The following SCAF8 variants were observed in gnomAD, a reference collection of about 807,000 sequenced individuals.
The protein encoded by SCAF8 is SR-related CTD associated factor 8, also known as SR-related and CTD-associated factor 8.
SCAF8 carries 23 observed loss-of-function variants against 140.5 expected under a neutral mutation model. The observed-to-expected ratio is 0.16, with a 90% confidence interval of 0.12 to 0.23. The LOEUF (loss-of-function observed/expected upper bound fraction) is 0.23, where lower values mean the gene tolerates loss of function less well. Among genes scored for constraint, SCAF8 ranks in the 10% least tolerant of loss-of-function variants. The pLI is 1.00. For missense variants in SCAF8, 1,397 were observed against 1,555.7 expected (o/e 0.90, Z 1.72); for synonymous variants, 575 against 528.9 (o/e 1.09, Z -1.20).
chr6:154,753,085 T>C (rs1778879557), intron 1 of SCAF8, among the ~76,000 whole-genome samples: 1 of 152,068 alleles, frequency 6.6e-6, no homozygotes, highest in Admixed American at 6.6e-5. Context: ...TCCCAGCACT[T>C]TGGGAGGCCG....
chr6:154,749,580 T>G (rs1409703593), intron 1 of SCAF8, among the ~76,000 whole-genome samples: 1 of 152,170 alleles, frequency 6.6e-6, no homozygotes, highest in Non-Finnish European at 1.5e-5. Context: ...TATGTATAGT[T>G]TGTGTACACT....
At position 154,753,050 on chromosome 6, in the gene SCAF8, C is replaced by T. The variant is rs191569553; in HGVS notation, c.30+19120C>T. 5.0e-4 allele frequency among the ~76,000 whole-genome samples: 76 copies of T among 151,866 alleles called. No homozygotes were observed. In the East Asian group the frequency reaches 0.012, roughly 24 times the overall value. ...ATTTACCAGAAGGTATAAAGTGGGCCGGGCATGGTGGCTCACTCCTGTAAT... is the reference window on the plus strand; with the variant it reads ...ATTTACCAGAAGGTATAAAGTGGGCTGGGCATGGTGGCTCACTCCTGTAAT... On this transcript the variant is annotated intron_variant, in intron 1 of 19. Transcript: ENST00000367178.
rs199849204 is a variant in SCAF8 at position 154,822,343 on chromosome 6, A to G, written c.1860A>G (p.Pro620=). The G allele has an allele frequency of 5.1e-5, 83 of 1,613,876 alleles. No individual in the cohort carries two copies. In the Middle Eastern group the frequency reaches 9.9e-4, roughly 19 times the overall value. The part of the protein sequence containing the change: ...ETVQTTQSPT[P]VEKETVVTTQ... ...TCCAGACAACTCAGAGCCCAACTCC[A>G]GTTGAAAAGGAGACAGTGGTCACAA... Residue 620 remains proline, a synonymous_variant, in exon 16 of 20, where the codon CCA becomes CCG. Transcript: ENST00000367178.
chr6:154,805,938 G>A (rs1440110814), intron 9 of SCAF8, among the ~76,000 whole-genome samples: 1 of 152,134 alleles, frequency 6.6e-6, no homozygotes, highest in African/African-American at 2.4e-5. Context: ...TTTGCTGTTA[G>A]CATGTAGCAG....
intron 1 of SCAF8, 70 bp downstream of exon 1, chr6:154,734,000 G>T: frequency 6.9e-7 from 1 of 1,447,610 alleles, no homozygotes; most frequent in African/African-American, 1.5e-5. Flanking sequence ...GCCGGGGCCC[G>T]GAGGGTGGGC....
In SCAF8 at chr6:154,733,934, G is replaced by A; in HGVS notation, c.30+4G>A. On this transcript the variant is annotated splice_donor_region_variant and intron_variant, in intron 1 of 19. Transcript: ENST00000367178. ...CGTGAAGACCTTCAATAGCGAGGTTGGTATGGCAGCCGGGTTCCCCTGCTC... is the reference window on the plus strand; with the variant it reads ...CGTGAAGACCTTCAATAGCGAGGTTAGTATGGCAGCCGGGTTCCCCTGCTC... The A allele has an allele frequency of 6.5e-7, 1 of 1,531,822 alleles. No individual in the cohort carries two copies. The highest frequency in any genetic ancestry group is 8.7e-7 in the Non-Finnish European group (1 of 1,146,176). 94.9% of individuals were successfully genotyped at this position (1,531,822 alleles called of 1,614,324 possible). A position where few individuals can be genotyped will look rare whatever the true frequency, so the allele number is the denominator to read the frequency against.
At chr6:154,769,151 G>A (rs1420846387) in intron 1 of SCAF8, among the ~76,000 whole-genome samples, 1 of 151,714 alleles carries the variant, frequency 6.6e-6, no homozygotes, top group East Asian at 1.9e-4. Flanking sequence ...TATTAAGTGA[G>A]CATTTGAAAC....
chr6:154,820,878 A>AT (rs1232626336), intron 15 of SCAF8, among the ~76,000 whole-genome samples: 1 of 152,136 alleles, frequency 6.6e-6, no homozygotes, highest in African/African-American at 2.4e-5. Flanking sequence ...TGACAAAATG[A>AT]TTTGCAGTTA....
chr6:154,794,960 G>A (rs1303842047), intron 5 of SCAF8, 49 bp from the exon 6 acceptor site: 10 of 1,508,122 alleles, frequency 6.6e-6, no homozygotes, highest in Non-Finnish European at 8.9e-6. Context: ...TCTAGTCTTA[G>A]TTACTTACTT....
intron 13 of SCAF8, among the ~76,000 whole-genome samples, chr6:154,817,379 T>C (rs1778284647): frequency 6.6e-6 from 1 of 152,206 alleles, no homozygotes; most frequent in Non-Finnish European, 1.5e-5. Context: ...GCCTTATCCC[T>C]CTCCTTTATT....
At chr6:154,769,754 G>A (rs1776683059) in intron 1 of SCAF8, among the ~76,000 whole-genome samples, 2 of 152,286 alleles carry the variant, frequency 1.3e-5, no homozygotes, top group South Asian at 4.1e-4. Flanking sequence ...TACAAAGCTT[G>A]TTTGGTGTTG....
rs370733458 is a variant in SCAF8, at chr6:154,777,959, A to G, written c.115-42A>G. 9.3e-6 allele frequency: 12 copies of G among 1,284,184 alleles called. No individual in the cohort carries two copies. The African/African-American group carries it at 1.3e-4, about 14-fold the overall frequency. 79.5% of individuals were successfully genotyped at this position (1,284,184 alleles called of 1,614,324 possible). Reference sequence around the variant, plus strand: ...GTTAGCAGGAAATTTCAATCTCCTCAAACTGATTTTAAAACCATACTTCAT... The same window carrying G: ...GTTAGCAGGAAATTTCAATCTCCTCGAACTGATTTTAAAACCATACTTCAT... On this transcript the variant is annotated intron_variant, in intron 2 of 19. Coordinates refer to ENST00000367178, the MANE Select transcript of SCAF8 (RefSeq NM_014892.5).
intron 4 of SCAF8, among the ~76,000 whole-genome samples, chr6:154,789,390 T>A (rs1372534545): frequency 6.6e-6 from 1 of 151,740 alleles, no homozygotes. Context: ...GAATTACAAG[T>A]GTGAGCCACT....
rs776929764 is a variant in SCAF8, at chr6:154,795,038, A to G, written c.505A>G (p.Asn169Asp). The change falls in exon 6 of 20, where the codon AAT (asparagine) becomes GAT (aspartate). Residue 169 changes from asparagine (N) to aspartate (D), a missense_variant. By Grantham distance (23) the Asn-to-Asp change is conservative (BLOSUM62 1). This residue lies in a region of SCAF8 where 339 missense variants were observed against 407.5 expected (regional missense o/e 0.83). Coordinates refer to ENST00000367178, the MANE Select transcript of SCAF8 (RefSeq NM_014892.5). ...GTPVTPVTPA[N>D]VVQGLPDPWV... ...TCCTGTGACACCTGTTACTCCGGCCAATGTGGTCCAAGGCTTACCTGATCC... is the reference window on the plus strand; with the variant it reads ...TCCTGTGACACCTGTTACTCCGGCCGATGTGGTCCAAGGCTTACCTGATCC... The G allele has an allele frequency of 1.2e-6, 2 of 1,610,690 alleles. No individual in the cohort carries two copies. Among genetic ancestry groups the G allele is most frequent in the Non-Finnish European group, 1.7e-6 (2 of 1,178,916 alleles).
chr6:154,774,731 C>G (rs1420466856), intron 2 of SCAF8, among the ~76,000 whole-genome samples: 1 of 152,116 alleles, frequency 6.6e-6, no homozygotes, highest in Non-Finnish European at 1.5e-5. Context: ...AACCTTTGCT[C>G]TCATAAAGTA....
Position 154,733,463 on chromosome 6 carries a change from C to G in SCAF8, c.-438C>G. 1 of 1,373,998 alleles carries G rather than the reference C, an allele frequency of 7.3e-7. No homozygotes were observed. The allele number at this position is 1,373,998 out of a possible 1,614,324, so 85.1% of individuals were successfully genotyped here. On this transcript the variant is annotated 5_prime_UTR_variant, in exon 1 of 20. Transcript: ENST00000367178. ...CTGCCAGCGCTTCCTCCTCTGTCTT[C>G]GCCGAGCGGGGCTGGTTCCTGCGGC... is the stretch of plus-strand genomic sequence containing the variant.
chr6:154,790,692 A>G (rs1160223677), intron 4 of SCAF8, among the ~76,000 whole-genome samples: 1 of 151,588 alleles, frequency 6.6e-6, no homozygotes, highest in South Asian at 2.1e-4. Context: ...TTGTATTTTT[A>G]GTAGAGACTG....
At chr6:154,751,868 G>A (rs557311520) in intron 1 of SCAF8, among the ~76,000 whole-genome samples, 1 of 152,246 alleles carries the variant, frequency 6.6e-6, no homozygotes. Flanking sequence ...CGTAGAACAG[G>A]ATGCCACAGA....
chr6:154,743,226 G>A lies in SCAF8; in HGVS notation c.30+9296G>A, dbSNP rs535683505. ...CACTGTTCAAAATAGAGACTGAACAGGTAGACTTAGTTAAATGATTTTTCA... is the reference window on the plus strand; with the variant it reads ...CACTGTTCAAAATAGAGACTGAACAAGTAGACTTAGTTAAATGATTTTTCA... On this transcript the variant is annotated intron_variant, in intron 1 of 19. Coordinates refer to ENST00000367178, the MANE Select transcript of SCAF8 (RefSeq NM_014892.5). Among the ~76,000 whole-genome samples the A allele has an allele frequency of 2.6e-4, 40 of 152,280 alleles. No individual in the cohort carries two copies. The South Asian group carries it at 7.5e-3, about 28-fold the overall frequency.
Sources: allele counts gnomAD v4.1 joint callset (sites outside exome capture counted in the v4.1 genomes callset), GRCh38; gene constraint gnomAD v4.1.1; regional missense constraint gnomAD v4.1.1; transcripts MANE v1.5; gene names NCBI Gene and HGNC (gene_info 2026-07-23, HGNC 2026-07-21).